The following ADGRA3 variants were observed in gnomAD, a reference collection of about 807,000 sequenced individuals.
The protein encoded by ADGRA3 is G-protein coupled receptor 125.
A neutral mutation model predicts 119.8 loss-of-function variants in ADGRA3; 56 were observed. The ratio of observed to expected loss-of-function variants is 0.47; its 90% confidence interval spans 0.38 to 0.58. The LOEUF (loss-of-function observed/expected upper bound fraction) is 0.58, where lower values mean the gene tolerates loss of function less well. ADGRA3 is among the 20% of genes least tolerant of loss of function. ADGRA3 has a pLI of 0.00. For missense variants in ADGRA3, 1,516 were observed against 1,649.0 expected, an observed-to-expected ratio of 0.92 and a Z score of 1.40; for synonymous variants, 607 against 623.8, an observed-to-expected ratio of 0.97 and a Z score of 0.40.
chr4:22,407,019 C>A (rs955067191), intron 14 of ADGRA3, among the ~76,000 whole-genome samples: 3 of 152,184 alleles, frequency 2.0e-5, no homozygotes, highest in African/African-American at 7.2e-5. Flanking sequence ...CGCCTGTAAT[C>A]CCAGCACTTT....
intron 1 of ADGRA3, among the ~76,000 whole-genome samples, chr4:22,479,339 C>T (rs10938902): frequency 0.88 from 134,534 of 152,116 alleles, 59,600 homozygotes; most frequent in East Asian, 0.99. Context: ...GGAGGGCACC[C>T]GTAGTCCCAG....
chr4:22,486,058 G>A (rs1177717912), intron 1 of ADGRA3, among the ~76,000 whole-genome samples: 1 of 152,176 alleles, frequency 6.6e-6, no homozygotes, highest in Admixed American at 6.5e-5. Context: ...TGGGTTGTAA[G>A]TTCCTACTTC....
chr4:22,507,337 C>G (rs1455342469), intron 1 of ADGRA3, among the ~76,000 whole-genome samples: 1 of 152,168 alleles, frequency 6.6e-6, no homozygotes, highest in Non-Finnish European at 1.5e-5. Flanking sequence ...TAAATTAGCT[C>G]TGTTCTCTAG....
At position 22,421,394 on chromosome 4, in the gene ADGRA3, AAAC is replaced by A. The variant is rs1285171803; in HGVS notation, c.1606-308_1606-306del. On this transcript the variant is annotated intron_variant, in intron 11 of 18. Transcript: ENST00000334304. Reference sequence around the variant, plus strand: ...AATAATTTAAGGAGCACTTCGAAGGAAACAACAAGCTAAAAATGGAAGCATCCT... The same window carrying A: ...AATAATTTAAGGAGCACTTCGAAGGAAACAAGCTAAAAATGGAAGCATCCT... Among the ~76,000 whole-genome samples, 4 of 152,260 alleles carry A rather than the reference AAAC, an allele frequency of 2.6e-5. No homozygotes were observed. The South Asian group carries it at 6.2e-4, about 24-fold the overall frequency.
chr4:22,452,808 A>C (rs1430948486), intron 4 of ADGRA3, among the ~76,000 whole-genome samples: 1 of 152,198 alleles, frequency 6.6e-6, no homozygotes, highest in Non-Finnish European at 1.5e-5. Context: ...CCACTTTACT[A>C]TTTTGTTTTT....
intron 1 of ADGRA3, among the ~76,000 whole-genome samples, chr4:22,503,684 A>C (rs1046724194): frequency 6.6e-6 from 1 of 152,186 alleles, no homozygotes; most frequent in African/African-American, 2.4e-5. Flanking sequence ...ACCAGGTCAC[A>C]TACTTGGAAC....
chr4:22,500,179 AAC>A (rs1297323776), intron 1 of ADGRA3, among the ~76,000 whole-genome samples: 1 of 115,944 alleles, frequency 8.6e-6, no homozygotes, highest in Non-Finnish European at 2.0e-5. Flanking sequence ...AGTTTTCTGT[AAC>A]AACTGTTCTA....
intron 1 of ADGRA3, among the ~76,000 whole-genome samples, chr4:22,495,099 A>G (rs1469262787): frequency 6.6e-6 from 1 of 152,022 alleles, no homozygotes; most frequent in African/African-American, 2.4e-5. Flanking sequence ...AAAATATCCT[A>G]TTGTACTCTC....
At chr4:22,417,869 T>C (rs1715490926) in intron 12 of ADGRA3, among the ~76,000 whole-genome samples, 1 of 152,134 alleles carries the variant, frequency 6.6e-6, no homozygotes. Flanking sequence ...AGATGCATAA[T>C]GACTAGCCTG....
intron 14 of ADGRA3, 68 bp from the exon 15 acceptor site, chr4:22,402,867 G>C: frequency 6.7e-7 from 1 of 1,501,552 alleles, no homozygotes; most frequent in Non-Finnish European, 9.0e-7. Flanking sequence ...AGATTTTTTT[G>C]AGTGACGAAA....
At chr4:22,482,154 A>G (rs1208416880) in intron 1 of ADGRA3, among the ~76,000 whole-genome samples, 1 of 152,038 alleles carries the variant, frequency 6.6e-6, no homozygotes, top group Non-Finnish European at 1.5e-5. Flanking sequence ...CACTCTATTC[A>G]CCTTGTTGTA....
chr4:22,421,473 A>T (rs1715676770), intron 11 of ADGRA3, among the ~76,000 whole-genome samples: 1 of 152,228 alleles, frequency 6.6e-6, no homozygotes, highest in Admixed American at 6.5e-5. Context: ...TGCTCATCTT[A>T]CAGGAAGAAT....
At chr4:22,505,346 C>T (rs1719199395) in intron 1 of ADGRA3, among the ~76,000 whole-genome samples, 1 of 152,130 alleles carries the variant, frequency 6.6e-6, no homozygotes, top group Non-Finnish European at 1.5e-5. Context: ...TAGAAACTCC[C>T]GTTGCCCATT....
chr4:22,501,457 G>C (rs980782410), intron 1 of ADGRA3, among the ~76,000 whole-genome samples: 1 of 151,990 alleles, frequency 6.6e-6, no homozygotes, highest in Non-Finnish European at 1.5e-5. Context: ...AACCATTAAG[G>C]CTTATCAGTT....
intron 1 of ADGRA3, among the ~76,000 whole-genome samples, chr4:22,514,903 TTAAA>T (rs1304349096): frequency 6.6e-6 from 1 of 152,186 alleles, no homozygotes; most frequent in Non-Finnish European, 1.5e-5. Context: ...TTCCTGGCTT[TTAAA>T]TATAAGCCCT....
intron 1 of ADGRA3, among the ~76,000 whole-genome samples, chr4:22,481,944 G>C (rs1718272582): frequency 6.6e-6 from 1 of 152,122 alleles, no homozygotes; most frequent in African/African-American, 2.4e-5. Context: ...CCATCCATTT[G>C]ATAATTCTTC....
intron 2 of ADGRA3, among the ~76,000 whole-genome samples, chr4:22,466,773 G>A (rs575942356): frequency 6.6e-6 from 1 of 151,986 alleles, no homozygotes; most frequent in African/African-American, 2.4e-5. Context: ...CTCTTATCAC[G>A]CTGTACCAAG....
intron 12 of ADGRA3, chr4:22,420,428 TA>T (rs1715608605): frequency 6.0e-6 from 1 of 165,600 alleles, no homozygotes; most frequent in Admixed American, 6.3e-5. Flanking sequence ...AATTTTGATA[TA>T]CAGCTTGCTT....
intron 16 of ADGRA3, among the ~76,000 whole-genome samples, chr4:22,397,583 C>T (rs112969088): frequency 0.026 from 3,981 of 152,096 alleles, 117 homozygotes; most frequent in African/African-American, 0.061. Flanking sequence ...TTAGTTGTGT[C>T]CCCACCCAAA....
Sources: gnomAD v4.1 joint callset for allele counts (sites outside exome capture counted in the v4.1 genomes callset) on GRCh38, gnomAD v4.1.1 for gene constraint, MANE v1.5 for transcripts, NCBI Gene and HGNC (gene_info 2026-07-23, HGNC 2026-07-21) for gene names.